CLIP1: variants seen among roughly 807,000 people sequenced by gnomAD.
CLIP1 encodes the protein CAP-Gly domain-containing linker protein 1.
A neutral mutation model predicts 161.6 loss-of-function variants in CLIP1; 66 were observed. That is an observed-to-expected ratio of 0.41 (90% confidence interval 0.33 to 0.50). The LOEUF is 0.50. CLIP1 is among the 20% of genes least tolerant of loss of function. The pLI, the probability that CLIP1 is intolerant of heterozygous loss-of-function variation, is 0.27. For synonymous variants in CLIP1, 598 were observed against 626.2 expected (o/e 0.96, Z 0.67); for missense variants, 1,376 against 1,702.0 (o/e 0.81, Z 3.37).
intron 2 of CLIP1, 117 bp from the exon 3 acceptor site, chr12:122,378,077 G>C (rs1014774542): frequency 2.3e-6 from 2 of 854,470 alleles, no homozygotes; most frequent in Non-Finnish European, 3.6e-6. Flanking sequence ...TCTTAGAAAG[G>C]TGTTTTAAAG....
intron 1 of CLIP1, among the ~76,000 whole-genome samples, chr12:122,393,768 C>T (rs984048867): frequency 4.0e-5 from 6 of 151,640 alleles, no homozygotes; most frequent in South Asian, 2.1e-4. Context: ...AAAAATTAGC[C>T]GGGTGTGGTG....
chr12:122,410,879 T>A (rs78653382), intron 1 of CLIP1, among the ~76,000 whole-genome samples: 11,425 of 152,116 alleles, frequency 0.075, 1,405 homozygotes, highest in African/African-American at 0.26. Flanking sequence ...ACCAGGTAAA[T>A]ACAAATCAAA....
At chr12:122,324,235 T>A (rs1012140162) in intron 17 of CLIP1, 51 of 152,652 alleles carry the variant, frequency 3.3e-4, no homozygotes, top group African/African-American at 1.2e-3. Context: ...CCTCCAATTC[T>A]ACAAGCTTGG....
intron 1 of CLIP1, among the ~76,000 whole-genome samples, chr12:122,393,837 G>A (rs1448734473): frequency 1.4e-5 from 2 of 139,470 alleles, no homozygotes; most frequent in African/African-American, 5.1e-5. Flanking sequence ...ACTTGAACCT[G>A]GGAGGCAGAA....
chr12:122,365,424 G>T (rs1017305717), intron 3 of CLIP1: 2 of 785,584 alleles, frequency 2.5e-6, no homozygotes, highest in East Asian at 2.4e-5. Flanking sequence ...AATAATGTGC[G>T]TATGGAGCAC....
At chr12:122,296,285 T>C (rs1593002449) in intron 20 of CLIP1, among the ~76,000 whole-genome samples, 2 of 152,346 alleles carry the variant, frequency 1.3e-5, no homozygotes, top group African/African-American at 4.8e-5. Context: ...TATGACCATA[T>C]ATATTTGTCA....
In CLIP1 at chr12:122,404,096, A is replaced by G. The variant is rs531910632; in HGVS notation, c.-107+18425T>C. 2.0e-5 allele frequency among the ~76,000 whole-genome samples: 3 copies of G among 152,338 alleles called. No homozygotes were observed. The East Asian group carries it at 5.8e-4, about 29-fold the overall frequency. ...AGCTGAGGACAAGTGACAGACACCT[A>G]AGAGCATCGTTGACTCTGGCTTCCC... On this transcript the variant is annotated intron_variant, in intron 1 of 25. Coordinates refer to ENST00000620786, the MANE Select transcript of CLIP1 (RefSeq NM_001247997.2).
At chr12:122,367,507 C>T (rs993729405) in intron 3 of CLIP1, among the ~76,000 whole-genome samples, 7 of 152,108 alleles carry the variant, frequency 4.6e-5, no homozygotes, top group African/African-American at 1.7e-4. Context: ...AATCAAAAAA[C>T]GTGTTTACGC....
At chr12:122,395,260 T>C (rs1955867529) in intron 1 of CLIP1, 1 of 152,194 alleles carries the variant, frequency 6.6e-6, no homozygotes, top group African/African-American at 2.4e-5. Context: ...CAGAGGATAC[T>C]CACAATAATT....
At chr12:122,349,882 T>C (rs1181297815) in intron 9 of CLIP1, among the ~76,000 whole-genome samples, 1 of 139,322 alleles carries the variant, frequency 7.2e-6, no homozygotes, top group East Asian at 2.2e-4. Context: ...AAATTCAGTC[T>C]TGTGTTTTTT....
At chr12:122,418,910 A>G (rs1956844044) in intron 1 of CLIP1, among the ~76,000 whole-genome samples, 1 of 152,250 alleles carries the variant, frequency 6.6e-6, no homozygotes, top group Non-Finnish European at 1.5e-5. Flanking sequence ...GTGAAAAGTC[A>G]TACAAAGTGA....
rs573618576 is a variant in CLIP1 at position 122,289,207 on chromosome 12, G to A, written c.3595-666C>T. ...AGCACTTTGGTGGGGCAAGATGGGC[G>A]GATCAGGAGTTCGAGCCCAGCCTGG... is the stretch of plus-strand genomic sequence containing the variant. On this transcript the variant is annotated intron_variant, in intron 20 of 25. Transcript: ENST00000620786. Among the ~76,000 whole-genome samples the A allele has an allele frequency of 3.3e-4, 50 of 151,864 alleles. 1 individual carries two copies. Among genetic ancestry groups the A allele is most frequent in the African/African-American group, 1.2e-3 (48 of 41,500 alleles).
intron 24 of CLIP1, among the ~76,000 whole-genome samples, chr12:122,276,286 A>G (rs546156244): frequency 1.3e-5 from 2 of 152,108 alleles, no homozygotes; most frequent in African/African-American, 4.8e-5. Flanking sequence ...GTCTACCTTC[A>G]CTTCTCAACG....
intron 20 of CLIP1, among the ~76,000 whole-genome samples, chr12:122,303,479 T>C (rs1240872906): frequency 4.6e-5 from 7 of 152,308 alleles, no homozygotes; most frequent in Non-Finnish European, 1.0e-4. Context: ...AGCACTGTAA[T>C]TGACACATTT....
At chr12:122,324,868 C>T (rs1263560793) in intron 17 of CLIP1, among the ~76,000 whole-genome samples, 1 of 152,102 alleles carries the variant, frequency 6.6e-6, no homozygotes, top group Non-Finnish European at 1.5e-5. Flanking sequence ...CAGGACCTTA[C>T]TTAAGGGTAG....
chr12:122,355,168 G>A lies in CLIP1; in HGVS notation c.1150C>T (p.His384Tyr). The change falls in exon 6 of 26, where the codon CAC (histidine) becomes TAC (tyrosine). Residue 384 changes from histidine to tyrosine, a missense_variant. Around this residue, in one of 6 missense-constraint regions of CLIP1, gnomAD observed 211 missense variants for 295.1 expected, o/e 0.72. Transcript: ENST00000620786. The surrounding 1 kb of genome is among the most constrained non-coding windows in gnomAD (Gnocchi z 4.1). ...ERAEVAKATS[H>Y]VGEIEQELAL... Reference sequence around the variant, plus strand: ...AGCTCCTGCTCTATCTCCCCCACGTGGCTCGTGGCCTTGGCCACCTCCGCC... The same window carrying A: ...AGCTCCTGCTCTATCTCCCCCACGTAGCTCGTGGCCTTGGCCACCTCCGCC... 1 of 1,614,202 alleles carries A rather than the reference G, an allele frequency of 6.2e-7. No homozygotes were observed. Among genetic ancestry groups the A allele is most frequent in the Non-Finnish European group, 8.5e-7 (1 of 1,180,022 alleles).
At chr12:122,404,963 C>T (rs576050550) in intron 1 of CLIP1, among the ~76,000 whole-genome samples, 2 of 152,038 alleles carry the variant, frequency 1.3e-5, no homozygotes, top group African/African-American at 4.8e-5. Flanking sequence ...TCCATTCTTC[C>T]ATTCAGTTCC....
In CLIP1 at chr12:122,355,512, C is replaced by A. The variant is rs1201149519; in HGVS notation, c.1006-200G>T. ...TCTATAAATCTCACAAAGAATACAT[C>A]AACGTAAAGAGATCAGCCAGGTGCG... On this transcript the variant is annotated intron_variant, in intron 5 of 25. Transcript: ENST00000620786. This position sits in a 1 kb window ranked among gnomAD's most constrained non-coding sequence, Gnocchi z 4.1. 5.3e-6 allele frequency: 3 copies of A among 570,628 alleles called. No individual in the cohort carries two copies. Among genetic ancestry groups the A allele is most frequent in the African/African-American group, 1.9e-5 (1 of 53,192 alleles). 35.3% of individuals were successfully genotyped at this position (570,628 alleles called of 1,614,324 possible). A position where few individuals can be genotyped will look rare whatever the true frequency, so the allele number is the denominator to read the frequency against.
chr12:122,387,568 ATATATATATATATATATATATATTTTTT>A (rs1271194787), intron 1 of CLIP1, among the ~76,000 whole-genome samples: 3 of 22,244 alleles, frequency 1.3e-4, no homozygotes, highest in East Asian at 1.8e-3. Flanking sequence ...ATATATATAT[ATATATATATATATATATATATATTTTTT>A]TTTTTTTTTT....
Sources: gnomAD v4.1 joint callset for allele counts (sites outside exome capture counted in the v4.1 genomes callset) on GRCh38, gnomAD v4.1.1 for gene constraint, gnomAD v4.1.1 regional missense constraint, Gnocchi (gnomAD v3.1) non-coding constraint, MANE v1.5 for transcripts, NCBI Gene and HGNC (gene_info 2026-07-23, HGNC 2026-07-21) for gene names.